Variants in GRIA4 observed in about 807,000 individuals in gnomAD.
The protein encoded by GRIA4 is glutamate ionotropic receptor AMPA type subunit 4, also known as glutamate receptor 4.
In GRIA4, 34 loss-of-function variants were observed where a neutral mutation model predicts 104.0. The ratio of observed to expected loss-of-function variants is 0.33; its 90% confidence interval spans 0.25 to 0.44. The LOEUF (loss-of-function observed/expected upper bound fraction) is 0.44. Ranked by LOEUF, GRIA4 falls within the 20% of genes least tolerant of loss-of-function variation. The pLI, the probability that GRIA4 is intolerant of heterozygous loss-of-function variation, is 1.00. For synonymous variants in GRIA4, 386 were observed against 381.9 expected (o/e 1.01, Z -0.13); for missense variants, 750 against 1,096.5 (o/e 0.68, Z 4.46).
At chr11:105,713,324 G>A (rs1392428250) in intron 3 of GRIA4, among the ~76,000 whole-genome samples, 3 of 151,944 alleles carry the variant, frequency 2.0e-5, no homozygotes, top group South Asian at 4.1e-4. Context: ...GGAGGCTGCA[G>A]TGAGCTGAGA....
chr11:105,923,472 G>A (rs986348854), intron 11 of GRIA4, among the ~76,000 whole-genome samples: 3 of 152,082 alleles, frequency 2.0e-5, no homozygotes, highest in Non-Finnish European at 4.4e-5. Context: ...TGATTCTTAT[G>A]AGGAGTAAAA....
At chr11:105,835,331 C>T (rs531023921) in intron 4 of GRIA4, among the ~76,000 whole-genome samples, 1 of 151,926 alleles carries the variant, frequency 6.6e-6, no homozygotes, top group East Asian at 1.9e-4. Flanking sequence ...TTTACTAATA[C>T]ATTTATATGA....
chr11:105,827,822 A>G (rs1421195618), intron 4 of GRIA4, among the ~76,000 whole-genome samples: 1 of 152,080 alleles, frequency 6.6e-6, no homozygotes, highest in Non-Finnish European at 1.5e-5. Context: ...TTTTTAAATC[A>G]ACAACTTCTG....
intron 5 of GRIA4, among the ~76,000 whole-genome samples, chr11:105,876,172 C>G (rs1365629913): frequency 2.0e-5 from 3 of 152,054 alleles, no homozygotes; most frequent in African/African-American, 7.2e-5. Context: ...TTGTTATTTA[C>G]CCAGTAGTCA....
At position 105,610,283 on chromosome 11, in the gene GRIA4, C is replaced by G. The variant is rs974953039; in HGVS notation, c.-236C>G. On this transcript the variant is annotated 5_prime_UTR_variant, in exon 1 of 17. Transcript: ENST00000282499. ...CGAGAAGCAGAGGTGCCAGGAAAAC[C>G]AAGAGAGGGGCGCTGGGGGTGCCCA... 2 of 152,460 alleles carry G rather than the reference C, an allele frequency of 1.3e-5. No individual in the cohort carries two copies. Among genetic ancestry groups the G allele is most frequent in the Non-Finnish European group, 2.9e-5 (2 of 68,270 alleles). The allele number at this position is 152,460 out of a possible 1,614,324, so 9.4% of individuals were successfully genotyped here.
At chr11:105,907,102 G>A (rs1947066923) in intron 9 of GRIA4, among the ~76,000 whole-genome samples, 1 of 152,182 alleles carries the variant, frequency 6.6e-6, no homozygotes, top group African/African-American at 2.4e-5. Context: ...GAAAAAGAAA[G>A]CTGGTGCTAA....
Position 105,864,884 on chromosome 11 carries a change from T to C in GRIA4, c.672+2676T>C, listed in dbSNP as rs146373046. Among the ~76,000 whole-genome samples, 196 of 152,130 alleles carry C rather than the reference T, an allele frequency of 1.3e-3. 2 individuals are homozygous for C. In the East Asian group the frequency reaches 0.013, roughly 10 times the overall value. ...AAACTCCATCTCAAAAAAAAAAATT[T>C]CTAGAAGGATGGGCACATTTCATAT... On this transcript the variant is annotated intron_variant, in intron 5 of 16. Transcript: ENST00000282499.
chr11:105,655,537 G>A (rs1951818271), intron 3 of GRIA4, among the ~76,000 whole-genome samples: 1 of 151,858 alleles, frequency 6.6e-6, no homozygotes, highest in Non-Finnish European at 1.5e-5. Context: ...CCCTCCCTGT[G>A]TCCATGTGTT....
At chr11:105,798,325 G>T (rs1485837452) in intron 4 of GRIA4, among the ~76,000 whole-genome samples, 2 of 152,114 alleles carry the variant, frequency 1.3e-5, no homozygotes, top group Admixed American at 1.3e-4. Flanking sequence ...TATTCCTGAG[G>T]ACTTCTGTGG....
At chr11:105,740,547 C>T (rs755055130) in intron 3 of GRIA4, among the ~76,000 whole-genome samples, 9 of 152,178 alleles carry the variant, frequency 5.9e-5, no homozygotes, top group Non-Finnish European at 1.0e-4. Context: ...TCTTGTGGAA[C>T]GTGTATTCTC....
In GRIA4 at chr11:105,926,924, A is replaced by G. The variant is rs1242674216; in HGVS notation, c.2031A>G (p.Thr677=). The change falls in exon 13 of 17, where the codon ACA becomes ACG. Residue 677 remains threonine (T), a synonymous_variant. Transcript: ENST00000282499. The part of the protein sequence containing the change: ...IAYGTLDSGS[T]KEFFRRSKIA... ...ATGGAACACTGGATTCAGGATCAAC[A>G]AAAGAATTCTTCAGAGTAAGTTAAG... 1 of 1,608,022 alleles carries G rather than the reference A, an allele frequency of 6.2e-7. No homozygotes were observed. Among genetic ancestry groups the G allele is most frequent in the East Asian group, 2.2e-5 (1 of 44,728 alleles).
At chr11:105,923,380 G>A (rs1461620975) in intron 11 of GRIA4, among the ~76,000 whole-genome samples, 1 of 152,058 alleles carries the variant, frequency 6.6e-6, no homozygotes, top group Non-Finnish European at 1.5e-5. Context: ...AAGCAGCCCA[G>A]GCTCAAATCC....
At chr11:105,901,224 T>C (rs1946844592) in intron 7 of GRIA4, among the ~76,000 whole-genome samples, 1 of 152,180 alleles carries the variant, frequency 6.6e-6, no homozygotes, top group Non-Finnish European at 1.5e-5. Context: ...GTCACTATTA[T>C]CTTGTTTCAT....
At chr11:105,784,080 G>A (rs1382932087) in intron 4 of GRIA4, among the ~76,000 whole-genome samples, 1 of 152,098 alleles carries the variant, frequency 6.6e-6, no homozygotes, top group African/African-American at 2.4e-5. Flanking sequence ...CAAGTAAATG[G>A]AGACAATAAT....
At chr11:105,695,652 C>T (rs1427234400) in intron 3 of GRIA4, among the ~76,000 whole-genome samples, 2 of 152,136 alleles carry the variant, frequency 1.3e-5, no homozygotes, top group African/African-American at 4.8e-5. Context: ...CCTCTGACTG[C>T]ATTTGGAGCA....
chr11:105,722,338 C>G (rs1449898019), intron 3 of GRIA4, among the ~76,000 whole-genome samples: 1 of 152,106 alleles, frequency 6.6e-6, no homozygotes, highest in Non-Finnish European at 1.5e-5. Flanking sequence ...AGCATCTGGA[C>G]TTACAGTGGT....
chr11:105,666,293 A>G (rs902332104), intron 3 of GRIA4, among the ~76,000 whole-genome samples: 18 of 152,046 alleles, frequency 1.2e-4, no homozygotes, highest in African/African-American at 4.1e-4. Flanking sequence ...TTTGAATACT[A>G]TTATATAACA....
chr11:105,764,118 ATGTTT>A lies in GRIA4; in HGVS notation c.487+10915_487+10919del, dbSNP rs748583826. Among the ~76,000 whole-genome samples the A allele has an allele frequency of 2.3e-4, 35 of 152,038 alleles. No individual in the cohort carries two copies. The East Asian group carries it at 5.6e-3, about 24-fold the overall frequency. On this transcript the variant is annotated intron_variant, in intron 4 of 16. Transcript: ENST00000282499. The stretch of plus-strand genomic sequence containing the variant: ...AAGAGATTATTTTTTCTGTAATTTA[ATGTTT>A]TGTTTTGTTTTGTTTTTGTTTTTTG...
At chr11:105,740,703 G>GACCC (rs1939252722) in intron 3 of GRIA4, among the ~76,000 whole-genome samples, 1 of 152,192 alleles carries the variant, frequency 6.6e-6, no homozygotes, top group Non-Finnish European at 1.5e-5. Context: ...TCTCCCTGAG[G>GACCC]AGTGGACAGT....
Sources: gnomAD v4.1 joint callset for allele counts (sites outside exome capture counted in the v4.1 genomes callset) on GRCh38, gnomAD v4.1.1 for gene constraint, MANE v1.5 for transcripts, NCBI Gene and HGNC (gene_info 2026-07-23, HGNC 2026-07-21) for gene names.